The following SYNE1 variants were observed in gnomAD, a reference collection of about 807,000 sequenced individuals.
SYNE1 encodes the protein spectrin repeat containing nuclear envelope protein 1.
In SYNE1, 616 loss-of-function variants were observed where a neutral mutation model predicts 1,111.0. That is an observed-to-expected ratio of 0.55 (90% CI 0.52 to 0.59). SYNE1 has a LOEUF of 0.59. Among genes scored for constraint, SYNE1 ranks in the 20% least tolerant of loss-of-function variants. The pLI is 0.00. For synonymous variants in SYNE1, 3,855 were observed against 3,825.8 expected (o/e 1.01, Z -0.28); for missense variants, 10,006 against 10,417.0 (o/e 0.96, Z 1.72).
At position 152,218,088 on chromosome 6, in the gene SYNE1, G is replaced by T. The variant is rs71575921; in HGVS notation, c.22191+169C>A. Among the ~76,000 whole-genome samples, 1,220 of 151,862 alleles carry T rather than the reference G, an allele frequency of 8.0e-3. 6 individuals are homozygous for T. Among genetic ancestry groups the T allele is most frequent in the Middle Eastern group, 0.02 (6 of 294 alleles). ...CGTGCCCCTATAATCCTAGCTACTC[G>T]GGAGGATGAGGCAGAATCGCTTGAA... On this transcript the variant is annotated intron_variant, in intron 121 of 145. Coordinates refer to ENST00000367255, the MANE Select transcript of SYNE1 (RefSeq NM_182961.4).
At chr6:152,510,874 G>A (rs913675685) in intron 7 of SYNE1, 137 bp downstream of exon 7, 7 of 841,952 alleles carry the variant, frequency 8.3e-6, no homozygotes, top group African/African-American at 5.0e-5. Flanking sequence ...AAGAAACAAC[G>A]TATGTGTGAA....
chr6:152,472,224 A>C (rs1265485828), intron 15 of SYNE1, 77 bp downstream of exon 15: 81 of 1,326,736 alleles, frequency 6.1e-5, no homozygotes, highest in Non-Finnish European at 7.6e-5. Flanking sequence ...AAAATCATGA[A>C]AAAATAAAAG....
At chr6:152,570,770 G>T (rs1486363221) in intron 3 of SYNE1, among the ~76,000 whole-genome samples, 2 of 152,158 alleles carry the variant, frequency 1.3e-5, no homozygotes, top group Non-Finnish European at 2.9e-5. Flanking sequence ...ATCTAGGAAG[G>T]TTCAGTCCTT....
intron 5 of SYNE1, among the ~76,000 whole-genome samples, chr6:152,522,960 G>T (rs1302876204): frequency 6.6e-6 from 1 of 152,022 alleles, no homozygotes; most frequent in Non-Finnish European, 1.5e-5. Context: ...TTAGTCCTTT[G>T]TCAGATGCAT....
At chr6:152,170,892 T>C (rs1563197632) in intron 130 of SYNE1, among the ~76,000 whole-genome samples, 1 of 152,182 alleles carries the variant, frequency 6.6e-6, no homozygotes, top group African/African-American at 2.4e-5. Flanking sequence ...TGGGAGATAA[T>C]TGAGTCATGG....
At chr6:152,385,055 G>A (rs1000440442) in intron 55 of SYNE1, among the ~76,000 whole-genome samples, 1 of 151,950 alleles carries the variant, frequency 6.6e-6, no homozygotes, top group East Asian at 1.9e-4. Flanking sequence ...AACCACTGAG[G>A]ATTTCATTGC....
intron 145 of SYNE1, among the ~76,000 whole-genome samples, chr6:152,123,761 T>C (rs961889500): frequency 7.7e-4 from 118 of 152,342 alleles, no homozygotes; most frequent in African/African-American, 2.8e-3. Context: ...TTAAGAGTTT[T>C]AATATCACCA....
intron 3 of SYNE1, among the ~76,000 whole-genome samples, chr6:152,612,660 T>C (rs111526295): frequency 0.079 from 12,042 of 152,174 alleles, 804 homozygotes; most frequent in African/African-American, 0.17. Flanking sequence ...GAGTCTGGGA[T>C]CATCCTGATA....
rs543486271 is a variant in SYNE1, at chr6:152,503,811, A to G, written c.779-1069T>C. On this transcript the variant is annotated intron_variant, in intron 9 of 145. Coordinates refer to ENST00000367255, the MANE Select transcript of SYNE1 (RefSeq NM_182961.4). ...TAAAACTTTTTTTTCAGGAAATATG[A>G]AAGTGGAAAGAAAAGCAATATTTAA... 5.3e-5 allele frequency among the ~76,000 whole-genome samples: 8 copies of G among 152,304 alleles called. No homozygotes were observed. The East Asian group carries it at 7.7e-4, about 15-fold the overall frequency.
At chr6:152,611,566 C>T (rs984608113) in intron 3 of SYNE1, among the ~76,000 whole-genome samples, 22 of 152,160 alleles carry the variant, frequency 1.4e-4, no homozygotes, top group Non-Finnish European at 2.6e-4. Context: ...TAACACCCCA[C>T]TGTCAACATT....
intron 84 of SYNE1, 22 bp downstream of exon 84, chr6:152,321,214 ACT>A: frequency 6.2e-7 from 1 of 1,612,638 alleles, no homozygotes; most frequent in East Asian, 2.2e-5. Flanking sequence ...ATGGAAAGAC[ACT>A]CTTTCTTGAT....
intron 121 of SYNE1, among the ~76,000 whole-genome samples, chr6:152,216,138 T>C (rs1486382998): frequency 6.6e-6 from 1 of 152,236 alleles, no homozygotes; most frequent in East Asian, 1.9e-4. Context: ...TTGCATGTTC[T>C]GCAAAAGACT....
chr6:152,458,378 C>G (rs214963), intron 22 of SYNE1, among the ~76,000 whole-genome samples: 79,655 of 152,036 alleles, frequency 0.52, 22,764 homozygotes, highest in East Asian at 0.76. Context: ...GTGCACACAG[C>G]AGATGTTTAT....
chr6:152,285,133 C>T (rs1215018514), intron 95 of SYNE1, among the ~76,000 whole-genome samples: 1 of 152,158 alleles, frequency 6.6e-6, no homozygotes, highest in African/African-American at 2.4e-5. Context: ...TCTAATCCTG[C>T]TTCCCCGCCT....
chr6:152,524,503 G>C (rs893664171), intron 5 of SYNE1, among the ~76,000 whole-genome samples: 1 of 151,870 alleles, frequency 6.6e-6, no homozygotes, highest in Admixed American at 6.6e-5. Flanking sequence ...AGGTAATCAA[G>C]GGAGTATGTA....
Position 152,233,890 on chromosome 6 carries a change from C to G in SYNE1, c.20603G>C (p.Arg6868Pro), listed in dbSNP as rs757835316. Residue 6868 changes from arginine (R) to proline (P), a missense_variant, in exon 112 of 146, where the codon CGA (arginine) becomes CCA (proline). Physicochemically the swap from Arg to Pro is moderately radical, Grantham distance 103. This residue lies in a region of SYNE1 where 2,182 missense variants were observed against 2,287.8 expected (regional missense o/e 0.95). Transcript: ENST00000367255. ...SVLSTGNQLL[R>P]LKKVDTATLR... ...CGTGGCTGTGTCCACCTTTTTTAGT[C>G]GAAGGAGCTGATTTCCAGTACTCAG... The G allele has an allele frequency of 1.2e-6, 2 of 1,613,986 alleles. No individual in the cohort carries two copies. Among genetic ancestry groups the G allele is most frequent in the Non-Finnish European group, 1.7e-6 (2 of 1,180,026 alleles).
chr6:152,309,286 T>C (rs2095476944), intron 90 of SYNE1, among the ~76,000 whole-genome samples: 1 of 152,234 alleles, frequency 6.6e-6, no homozygotes, highest in African/African-American at 2.4e-5. Flanking sequence ...TTTAGTGAGA[T>C]GCTATTGATA....
At chr6:152,317,782 G>A (rs553094044) in intron 86 of SYNE1, among the ~76,000 whole-genome samples, 2 of 152,236 alleles carry the variant, frequency 1.3e-5, no homozygotes, top group South Asian at 2.1e-4. Flanking sequence ...CATAAAACAC[G>A]TTAATGGGTG....
intron 95 of SYNE1, among the ~76,000 whole-genome samples, chr6:152,288,293 C>A (rs1310924206): frequency 6.6e-6 from 1 of 152,102 alleles, no homozygotes; most frequent in Admixed American, 6.5e-5. Flanking sequence ...ACTCTGTCTC[C>A]TCAAAGTCCT....
Sources: gnomAD v4.1 joint callset for allele counts (sites outside exome capture counted in the v4.1 genomes callset) on GRCh38, gnomAD v4.1.1 for gene constraint, gnomAD v4.1.1 regional missense constraint, MANE v1.5 for transcripts, NCBI Gene and HGNC (gene_info 2026-07-23, HGNC 2026-07-21) for gene names.